The following PXMP2 variants were observed in gnomAD, a reference collection of about 807,000 sequenced individuals.
PXMP2 encodes peroxisomal membrane protein 2, also known as 22 kDa peroxisomal membrane protein.
PXMP2 carries 13 observed loss-of-function variants against 20.2 expected under a neutral mutation model. The observed-to-expected ratio is 0.64, with a 90% CI of 0.42 to 1.02. PXMP2 has a LOEUF of 1.02. Ranked by LOEUF, PXMP2 falls within the 50% of genes least tolerant of loss-of-function variation. PXMP2 has a pLI of 0.00. For missense variants in PXMP2, 284 were observed against 251.8 expected, an observed-to-expected ratio of 1.13 and a Z score of -0.87; for synonymous variants, 113 against 111.2, an observed-to-expected ratio of 1.02 and a Z score of -0.10.
intron 2 of PXMP2, among the ~76,000 whole-genome samples, chr12:132,693,596 C>A (rs2043386714): frequency 2.7e-5 from 2 of 74,282 alleles, no homozygotes; most frequent in African/African-American, 4.5e-5. Flanking sequence ...AGCGCCCTTG[C>A]CAGTTAGTTA....
rs2043396991 is a variant in PXMP2 at position 132,694,551 on chromosome 12, G to A, written c.237-1333G>A. 2.8e-5 allele frequency among the ~76,000 whole-genome samples: 2 copies of A among 72,128 alleles called. 1 individual carries two copies. Among genetic ancestry groups the A allele is most frequent in the Non-Finnish European group, 6.5e-5 (2 of 30,918 alleles). 47.3% of individuals were successfully genotyped at this position (72,128 alleles called of 152,430 possible). Reference sequence around the variant, plus strand: ...AGCCAGTTAGATAGTGAGCGCCCTTGCCAGTTAGTTAGTGAGCGCCCTTGC... The same window carrying A: ...AGCCAGTTAGATAGTGAGCGCCCTTACCAGTTAGTTAGTGAGCGCCCTTGC... On this transcript the variant is annotated intron_variant, in intron 2 of 4. Transcript: ENST00000317479.
intron 3 of PXMP2, among the ~76,000 whole-genome samples, chr12:132,698,409 T>C (rs140281198): frequency 6.6e-6 from 1 of 152,386 alleles, no homozygotes; most frequent in East Asian, 1.9e-4. Context: ...TTCTCCTTCA[T>C]GCCTTTCCTT....
At chr12:132,691,202 C>T (rs2043364547) in intron 2 of PXMP2, among the ~76,000 whole-genome samples, 2 of 152,022 alleles carry the variant, frequency 1.3e-5, no homozygotes. Context: ...CAGGCACCTG[C>T]CACCACGCCC....
chr12:132,700,914 T>C (rs184887597), intron 3 of PXMP2, among the ~76,000 whole-genome samples: 58 of 152,104 alleles, frequency 3.8e-4, no homozygotes, highest in African/African-American at 1.3e-3. Flanking sequence ...TGGAGGTTAT[T>C]TGGGAGGAAT....
At chr12:132,687,856 C>G in intron 1 of PXMP2, 64 bp downstream of exon 1, 1 of 1,104,696 alleles carries the variant, frequency 9.1e-7, no homozygotes, top group Non-Finnish European at 1.1e-6. Flanking sequence ...GGCGCGGGGC[C>G]TGGACGGGAG....
At chr12:132,687,855 C>T (rs2043317129) in intron 1 of PXMP2, 63 bp downstream of exon 1, 1 of 1,106,216 alleles carries the variant, frequency 9.0e-7, no homozygotes, top group Admixed American at 5.0e-5. Context: ...CGGCGCGGGG[C>T]CTGGACGGGA....
chr12:132,704,472 A>T (rs970612060), intron 4 of PXMP2, 147 bp from the exon 5 acceptor site: 3 of 542,328 alleles, frequency 5.5e-6, no homozygotes, highest in Non-Finnish European at 9.1e-6. Flanking sequence ...GTTTGGTACG[A>T]ACAAAGGCTC....
chr12:132,687,608 G>T lies in PXMP2; in HGVS notation c.-63G>T. On this transcript the variant is annotated 5_prime_UTR_variant, in exon 1 of 5. Coordinates refer to ENST00000317479, the MANE Select transcript of PXMP2 (RefSeq NM_018663.3). Reference sequence around the variant, plus strand: ...CCCCACTCCGCTCTCGGCGCCTCGGGCTCCGCGCCCGGCCAGCCTGAGGTG... The same window carrying T: ...CCCCACTCCGCTCTCGGCGCCTCGGTCTCCGCGCCCGGCCAGCCTGAGGTG... 9.4e-6 allele frequency: 11 copies of T among 1,165,152 alleles called. No homozygotes were observed. The highest frequency in any genetic ancestry group is 1.2e-5 in the Non-Finnish European group (11 of 945,266). 72.2% of individuals were successfully genotyped at this position (1,165,152 alleles called of 1,614,324 possible). A position where few individuals can be genotyped will look rare whatever the true frequency, so the allele number is the denominator to read the frequency against.
At chr12:132,700,041 CCTTT>C (rs1370494615) in intron 3 of PXMP2, among the ~76,000 whole-genome samples, 5 of 140,236 alleles carry the variant, frequency 3.6e-5, no homozygotes, top group South Asian at 4.5e-4. Flanking sequence ...TGTTTTTTGA[CCTTT>C]TTTTTTTTTT....
chr12:132,690,413 C>T (rs1193403210), intron 2 of PXMP2, 37 bp downstream of exon 2: 5 of 1,516,984 alleles, frequency 3.3e-6, no homozygotes, highest in South Asian at 2.3e-5. Flanking sequence ...ACCTTGTAGC[C>T]GCTGAGTGCA....
chr12:132,690,303 A>G lies in PXMP2; in HGVS notation c.163A>G (p.Ile55Val), dbSNP rs1215933827. The change falls in exon 2 of 5, where the codon ATT becomes GTT. Residue 55 changes from isoleucine to valine, a missense_variant. Physicochemically the swap from Ile to Val is conservative, Grantham distance 29. Coordinates refer to ENST00000317479, the MANE Select transcript of PXMP2 (RefSeq NM_018663.3). ...ACTTGGGAACTTCCTGGCCCAGATG[A>G]TTGAGAAGAAGCGGAAAAAAGAAAA... is the stretch of plus-strand genomic sequence containing the variant. ...SALGNFLAQM[I>V]EKKRKKENSR... 6.2e-7 allele frequency: 1 copy of G among 1,613,994 alleles called. No individual in the cohort carries two copies. The highest frequency in any genetic ancestry group is 8.5e-7 in the Non-Finnish European group (1 of 1,179,970).
chr12:132,692,320 C>T (rs1313486063), intron 2 of PXMP2, among the ~76,000 whole-genome samples: 1 of 142,758 alleles, frequency 7.0e-6, no homozygotes, highest in Non-Finnish European at 1.6e-5. Context: ...TAGTGAGCTC[C>T]CTTAGCCAGT....
Position 132,687,699 on chromosome 12 carries a change from C to T in PXMP2, c.29C>T (p.Ala10Val), listed in dbSNP as rs2136053837. MAPAASRLRAEAGLGALPRR... is the reference protein window; with the variant it reads MAPAASRLRVEAGLGALPRR... ...GCGCCGGCCGCGTCCAGGCTGCGGG[C>T]CGAAGCCGGGCTCGGGGCGCTGCCG... The change falls in exon 1 of 5, where the codon GCC becomes GTC. Residue 10 changes from alanine (A) to valine (V), a missense_variant. Ala to Val is a moderately conservative substitution (Grantham distance 64). Coordinates refer to ENST00000317479, the MANE Select transcript of PXMP2 (RefSeq NM_018663.3). 4 of 1,192,340 alleles carry T rather than the reference C, an allele frequency of 3.4e-6. No homozygotes were observed. Among genetic ancestry groups the T allele is most frequent in the Non-Finnish European group, 2.1e-6 (2 of 965,372 alleles). 73.9% of individuals were successfully genotyped at this position (1,192,340 alleles called of 1,614,324 possible).
intron 3 of PXMP2, among the ~76,000 whole-genome samples, chr12:132,700,860 T>TA (rs2043435410): frequency 6.6e-6 from 1 of 151,818 alleles, no homozygotes; most frequent in African/African-American, 2.4e-5. Flanking sequence ...TTTTTTTTTT[T>TA]TTTCATAACT....
In PXMP2 at chr12:132,696,441, C is replaced by G. The variant is rs2043410195; in HGVS notation, c.399+395C>G. Among the ~76,000 whole-genome samples the G allele has an allele frequency of 6.6e-6, 1 of 152,078 alleles. No homozygotes were observed. Among genetic ancestry groups the G allele is most frequent in the African/African-American group, 2.4e-5 (1 of 41,390 alleles). On this transcript the variant is annotated intron_variant, in intron 3 of 4. Coordinates refer to ENST00000317479, the MANE Select transcript of PXMP2 (RefSeq NM_018663.3). This position sits in a 1 kb window ranked among gnomAD's most constrained non-coding sequence, Gnocchi z 4.4. ...ATATCACATCAGTTGTTACAGATAT[C>G]TCGAAATATAATTTATGCTCATTAC... is the stretch of plus-strand genomic sequence containing the variant.
chr12:132,692,004 G>A lies in PXMP2; in HGVS notation c.236+1628G>A, dbSNP rs2043369978. 2.0e-5 allele frequency among the ~76,000 whole-genome samples: 3 copies of A among 151,760 alleles called. No homozygotes were observed. The South Asian group carries it at 6.2e-4, about 32-fold the overall frequency. ...AGCTCCCTTGCCAGTTAGTTAGTGAGCACCCTTGCCAGTTAGTTAGTGAGC... is the reference window on the plus strand; with the variant it reads ...AGCTCCCTTGCCAGTTAGTTAGTGAACACCCTTGCCAGTTAGTTAGTGAGC... On this transcript the variant is annotated intron_variant, in intron 2 of 4. Transcript: ENST00000317479.
chr12:132,701,473 CTT>C, intron 4 of PXMP2, 104 bp downstream of exon 4: 2 of 1,398,746 alleles, frequency 1.4e-6, no homozygotes, highest in African/African-American at 1.6e-5. Context: ...CTTCTTTTCT[CTT>C]CTCTTCTTTC....
intron 2 of PXMP2, among the ~76,000 whole-genome samples, chr12:132,695,056 T>C (rs61952129): frequency 8.7e-5 from 11 of 126,728 alleles, no homozygotes; most frequent in South Asian, 5.4e-4. Context: ...AGTTAGTGAG[T>C]GCCCTTGCCA....
At chr12:132,694,921 CAGTT>C (rs376482038) in intron 2 of PXMP2, among the ~76,000 whole-genome samples, 2,462 of 110,046 alleles carry the variant, frequency 0.022, 57 homozygotes, top group Admixed American at 0.039. Context: ...CCTTGCCAGT[CAGTT>C]AGTGAGCTCC....
Sources: allele counts gnomAD v4.1 joint callset (sites outside exome capture counted in the v4.1 genomes callset), GRCh38; gene constraint gnomAD v4.1.1; non-coding constraint Gnocchi (gnomAD v3.1); transcripts MANE v1.5; gene names NCBI Gene and HGNC (gene_info 2026-07-23, HGNC 2026-07-21).